Variants in SEC31A observed in about 807,000 individuals in gnomAD.
The protein encoded by SEC31A is protein transport protein Sec31A.
A neutral mutation model predicts 151.0 loss-of-function variants in SEC31A; 70 were observed. The ratio of observed to expected loss-of-function variants is 0.46; its 90% confidence interval spans 0.38 to 0.57. SEC31A has a LOEUF of 0.57. Ranked by LOEUF, SEC31A falls within the 20% of genes least tolerant of loss-of-function variation. The pLI, the probability that SEC31A is intolerant of heterozygous loss-of-function variation, is 0.00. For synonymous variants in SEC31A, 475 were observed against 505.9 expected (o/e 0.94, Z 0.82); for missense variants, 1,330 against 1,471.2 (o/e 0.90, Z 1.57).
At chr4:82,835,335 C>T (rs1726953437) in intron 22 of SEC31A, among the ~76,000 whole-genome samples, 1 of 152,184 alleles carries the variant, frequency 6.6e-6, no homozygotes, top group Non-Finnish European at 1.5e-5. Context: ...CAACACAGTA[C>T]ATTTTAACCT....
At chr4:82,850,114 CAAA>C (rs5859838) in intron 19 of SEC31A, among the ~76,000 whole-genome samples, 1 of 126,106 alleles carries the variant, frequency 7.9e-6, no homozygotes, top group African/African-American at 2.7e-5. Context: ...CTTTAAAGTC[CAAA>C]AAAAAAAAAG....
chr4:82,870,555 G>A (rs748986063), intron 7 of SEC31A, 131 bp from the exon 8 acceptor site: 37 of 704,680 alleles, frequency 5.3e-5, no homozygotes, highest in Non-Finnish European at 6.6e-5. Flanking sequence ...TTTCAGCGCC[G>A]GGCGCATTGG....
chr4:82,900,516 T>C, exon 1 of SEC31A: 1 of 472,904 alleles, frequency 2.1e-6, no homozygotes, highest in Non-Finnish European at 3.8e-6. Flanking sequence ...ATAAACCGGT[T>C]GCAGCAAAAC....
At chr4:82,840,164 A>T (rs1007999837) in intron 22 of SEC31A, among the ~76,000 whole-genome samples, 3 of 152,200 alleles carry the variant, frequency 2.0e-5, no homozygotes, top group African/African-American at 7.2e-5. Context: ...TTAAAGAAAT[A>T]ATTATTACTA....
chr4:82,828,361 T>G (rs1195444375), intron 23 of SEC31A, among the ~76,000 whole-genome samples: 1 of 152,228 alleles, frequency 6.6e-6, no homozygotes, highest in Non-Finnish European at 1.5e-5. Flanking sequence ...CTAAAAGTAC[T>G]AAATTCAGTT....
intron 13 of SEC31A, 31 bp downstream of exon 13, chr4:82,862,503 A>G (rs201445246): frequency 2.5e-6 from 4 of 1,590,576 alleles, no homozygotes; most frequent in Non-Finnish European, 3.5e-6. Context: ...CCAAAGTTTT[A>G]GAAGGTAGCT....
chr4:82,826,799 T>C (rs546128224), intron 24 of SEC31A, among the ~76,000 whole-genome samples: 9 of 152,366 alleles, frequency 5.9e-5, no homozygotes, highest in African/African-American at 2.2e-4. Context: ...TCTTCTTATA[T>C]TGAACTTTGA....
chr4:82,842,589 TAAGTTAC>T, intron 21 of SEC31A, 108 bp from the exon 22 acceptor site: 1 of 850,446 alleles, frequency 1.2e-6, no homozygotes, highest in East Asian at 2.7e-5. Context: ...TTAATCAAAA[TAAGTTAC>T]AATCCCAAAT....
At chr4:82,887,517 T>C (rs1161506087) in intron 1 of SEC31A, among the ~76,000 whole-genome samples, 1 of 152,230 alleles carries the variant, frequency 6.6e-6, no homozygotes, top group African/African-American at 2.4e-5. Flanking sequence ...GCAGACACCC[T>C]CAGTTTAAAT....
chr4:82,880,131 C>T (rs923981041), intron 3 of SEC31A, among the ~76,000 whole-genome samples: 12 of 150,882 alleles, frequency 8.0e-5, no homozygotes, highest in East Asian at 1.9e-4. Flanking sequence ...TGTGGTGAGC[C>T]GAGATTGCGC....
chr4:82,865,658 T>C (rs544055746), intron 10 of SEC31A, among the ~76,000 whole-genome samples: 86 of 147,628 alleles, frequency 5.8e-4, no homozygotes, highest in African/African-American at 2.0e-3. Context: ...CTTGAGGACA[T>C]TAAGCTAAGT....
Position 82,870,568 on chromosome 4 carries a change from C to T in SEC31A, c.783-144G>A. The T allele has an allele frequency of 6.2e-6, 4 of 645,598 alleles. No homozygotes were observed. The South Asian group carries it at 7.6e-5, about 12-fold the overall frequency. 40.0% of individuals were successfully genotyped at this position (645,598 alleles called of 1,614,324 possible). Reference sequence around the variant, plus strand: ...AGTTTCAGCGCCGGGCGCATTGGCTCACACCTGTAATGCCAACTACTCAGG... The same window carrying T: ...AGTTTCAGCGCCGGGCGCATTGGCTTACACCTGTAATGCCAACTACTCAGG... On this transcript the variant is annotated intron_variant, in intron 7 of 26. Transcript: ENST00000395310.
chr4:82,832,348 C>T (rs192802184), intron 22 of SEC31A, among the ~76,000 whole-genome samples: 1 of 152,246 alleles, frequency 6.6e-6, no homozygotes, highest in Non-Finnish European at 1.5e-5. Context: ...GGAAAACTGG[C>T]TAGCCATATG....
At chr4:82,834,974 T>C (rs1726863313) in intron 22 of SEC31A, among the ~76,000 whole-genome samples, 1 of 152,118 alleles carries the variant, frequency 6.6e-6, no homozygotes, top group African/African-American at 2.4e-5. Flanking sequence ...GCCTCCTGAG[T>C]AGCTGGAATT....
intron 24 of SEC31A, among the ~76,000 whole-genome samples, 181 bp downstream of exon 24, chr4:82,827,188 G>A (rs562006000): frequency 3.9e-5 from 6 of 152,260 alleles, no homozygotes; most frequent in African/African-American, 1.4e-4. Flanking sequence ...AAGTTTGTAT[G>A]TGGCCATGTA....
chr4:82,858,413 G>A (rs1733218788), intron 14 of SEC31A, among the ~76,000 whole-genome samples: 1 of 151,518 alleles, frequency 6.6e-6, no homozygotes, highest in Admixed American at 6.6e-5. Flanking sequence ...CGGCAGTGGT[G>A]TGCACCTGTA....
At chr4:82,837,620 T>G (rs1727722352) in intron 22 of SEC31A, among the ~76,000 whole-genome samples, 1 of 152,146 alleles carries the variant, frequency 6.6e-6, no homozygotes, top group African/African-American at 2.4e-5. Context: ...CCAGGGCTCA[T>G]GCACTCTGCT....
intron 12 of SEC31A, 132 bp from the exon 13 acceptor site, chr4:82,862,704 A>T (rs984371415): frequency 4.8e-5 from 34 of 706,692 alleles, no homozygotes; most frequent in African/African-American, 4.0e-4. Flanking sequence ...TAAAAAAATT[A>T]AAAAAGCTAT....
chr4:82,853,802 C>T, intron 17 of SEC31A, 87 bp from the exon 18 acceptor site: 1 of 1,075,938 alleles, frequency 9.3e-7, no homozygotes, highest in Non-Finnish European at 1.3e-6. Flanking sequence ...TTTTCAGAGG[C>T]ATGGATTAAG....
Sources: gnomAD v4.1 joint callset for allele counts (sites outside exome capture counted in the v4.1 genomes callset) on GRCh38, gnomAD v4.1.1 for gene constraint, MANE v1.5 for transcripts, NCBI Gene and HGNC (gene_info 2026-07-23, HGNC 2026-07-21) for gene names.